The following FRYL variants were observed in gnomAD, a reference collection of about 807,000 sequenced individuals.
FRYL encodes the protein FRY like transcription coactivator, also known as protein furry homolog-like.
A neutral mutation model predicts 351.2 loss-of-function variants in FRYL; 150 were observed. That is an observed-to-expected ratio of 0.43 (90% confidence interval 0.37 to 0.49). FRYL has a LOEUF of 0.49. FRYL is among the 20% of genes least tolerant of loss of function. FRYL has a pLI of 0.00. For synonymous variants in FRYL, 1,153 were observed against 1,257.1 expected (o/e 0.92, Z 1.75); for missense variants, 3,036 against 3,619.3 (o/e 0.84, Z 4.13).
chr4:48,698,060 C>T (rs558578424), intron 2 of FRYL, among the ~76,000 whole-genome samples: 1 of 152,292 alleles, frequency 6.6e-6, no homozygotes, highest in South Asian at 2.1e-4. Context: ...CACACAGCTG[C>T]TACCATCAAG....
chr4:48,613,696 C>T (rs1168860934), intron 7 of FRYL, among the ~76,000 whole-genome samples: 2 of 152,168 alleles, frequency 1.3e-5, no homozygotes, highest in Admixed American at 1.3e-4. Flanking sequence ...TGGCTCACGC[C>T]TGTAATCCCA....
intron 10 of FRYL, 85 bp downstream of exon 10, chr4:48,606,353 C>T (rs1320340091): frequency 1.1e-5 from 8 of 742,024 alleles, no homozygotes; most frequent in Admixed American, 5.5e-5. Flanking sequence ...CATTAATTTA[C>T]GTGTATTTTG....
At chr4:48,525,644 T>C (rs1725971210) in intron 53 of FRYL, among the ~76,000 whole-genome samples, 1 of 151,920 alleles carries the variant, frequency 6.6e-6, no homozygotes, top group East Asian at 1.9e-4. Flanking sequence ...TACATGAGAG[T>C]TGATCAGTGT....
intron 3 of FRYL, among the ~76,000 whole-genome samples, chr4:48,643,490 G>A (rs1755727224): frequency 6.6e-6 from 1 of 152,106 alleles, no homozygotes; most frequent in Non-Finnish European, 1.5e-5. Context: ...AGCAGCCAGA[G>A]ACAAAGAAAA....
intron 44 of FRYL, 35 bp downstream of exon 44, chr4:48,543,772 T>C (rs1730739717): frequency 3.2e-6 from 5 of 1,577,894 alleles, no homozygotes; most frequent in Non-Finnish European, 4.3e-6. Flanking sequence ...AACTAGTAGC[T>C]GCTCAATAAC....
chr4:48,641,861 A>C (rs980745074), intron 3 of FRYL, among the ~76,000 whole-genome samples: 1 of 152,202 alleles, frequency 6.6e-6, no homozygotes, highest in Non-Finnish European at 1.5e-5. Context: ...GCATAAAAAG[A>C]GCAAAAAAGT....
intron 61 of FRYL, 78 bp downstream of exon 61, chr4:48,502,750 A>G: frequency 1.7e-6 from 2 of 1,147,164 alleles, no homozygotes; most frequent in South Asian, 2.6e-5. Context: ...TTGCTGGGTC[A>G]CAAATGGACA....
At chr4:48,625,942 G>A (rs1026835215) in intron 4 of FRYL, among the ~76,000 whole-genome samples, 3 of 151,968 alleles carry the variant, frequency 2.0e-5, no homozygotes, top group African/African-American at 4.8e-5. Context: ...ACAATTATAA[G>A]TCATTTTTTC....
chr4:48,669,892 C>T (rs1386534470), intron 3 of FRYL, among the ~76,000 whole-genome samples: 4 of 151,804 alleles, frequency 2.6e-5, no homozygotes, highest in Non-Finnish European at 5.9e-5. Flanking sequence ...TCTAAAAAGA[C>T]AGCTTTTAAA....
intron 49 of FRYL, among the ~76,000 whole-genome samples, chr4:48,533,777 A>C (rs1728239861): frequency 6.6e-6 from 1 of 152,194 alleles, no homozygotes; most frequent in South Asian, 2.1e-4. Flanking sequence ...ATTTAAATCA[A>C]GTTTAATTTT....
intron 3 of FRYL, among the ~76,000 whole-genome samples, chr4:48,666,324 G>A (rs1362975290): frequency 7.9e-5 from 12 of 151,966 alleles, no homozygotes; most frequent in Non-Finnish European, 1.3e-4. Flanking sequence ...CCGAGACCAC[G>A]CCACTGCACT....
At chr4:48,631,732 A>G (rs1753001667) in intron 4 of FRYL, among the ~76,000 whole-genome samples, 1 of 151,690 alleles carries the variant, frequency 6.6e-6, no homozygotes, top group Non-Finnish European at 1.5e-5. Context: ...TTAGGGGGGG[A>G]TGACTAAGTT....
chr4:48,624,143 C>A (rs1305482418), intron 4 of FRYL, among the ~76,000 whole-genome samples: 2 of 152,232 alleles, frequency 1.3e-5, no homozygotes, highest in East Asian at 3.9e-4. Context: ...AGTATGACTG[C>A]TTCTTATTAA....
intron 2 of FRYL, among the ~76,000 whole-genome samples, chr4:48,692,228 T>C (rs1765739012): frequency 6.6e-6 from 1 of 152,180 alleles, no homozygotes; most frequent in Admixed American, 6.5e-5. Flanking sequence ...CTTCTTCACA[T>C]TTCTTACTAT....
At chr4:48,600,781 C>CA (rs1435230922) in intron 13 of FRYL, among the ~76,000 whole-genome samples, 1 of 151,616 alleles carries the variant, frequency 6.6e-6, no homozygotes, top group Non-Finnish European at 1.5e-5. Flanking sequence ...TACAAATTAC[C>CA]AAAAATAAGA....
chr4:48,703,761 G>T (rs545683734), intron 2 of FRYL, among the ~76,000 whole-genome samples: 2 of 152,212 alleles, frequency 1.3e-5, no homozygotes, highest in Middle Eastern at 3.4e-3. Context: ...TGTATTTGTG[G>T]AACACCTACT....
At position 48,551,524 on chromosome 4, in the gene FRYL, T is replaced by A. The variant is rs190941081; in HGVS notation, c.4490A>T (p.Asn1497Ile). 2.8e-3 allele frequency: 4,552 copies of A among 1,611,216 alleles called. 11 individuals carry two copies. The highest frequency in any genetic ancestry group is 3.5e-3 in the Non-Finnish European group (4,178 of 1,177,650). ...TTCAATATTCTCTTTAATGGGCTTA[T>A]TATCAGGATTGCCATCTGTGGGAGC... ...MVAPTDGNPDNKPIKENIEES... is the reference protein window; with the variant it reads ...MVAPTDGNPDIKPIKENIEES... The change falls in exon 37 of 64, where the codon AAT (asparagine) becomes ATT (isoleucine). Residue 1497 changes from asparagine to isoleucine, a missense_variant. Asn to Ile is a moderately radical substitution (Grantham distance 149). Coordinates refer to ENST00000358350, the MANE Select transcript of FRYL (RefSeq NM_015030.2).
Position 48,606,564 on chromosome 4 carries a change from TTC to T in FRYL, c.613_614del (p.Glu205ThrfsTer35). On this transcript the variant is annotated frameshift_variant, in exon 10 of 64. Coordinates refer to ENST00000358350, the MANE Select transcript of FRYL (RefSeq NM_015030.2). LOFTEE classifies it high-confidence loss of function. ...VRKKFVTELK[E>X]LRQKEQSPHV... The stretch of plus-strand genomic sequence containing the variant: ...GTGGGCTTTGTTCCTTTTGTCGCAG[TTC>T]TTTTAATTCTGTCACAAACTTCTTC... 1 of 1,612,772 alleles carries T rather than the reference TTC, an allele frequency of 6.2e-7. No homozygotes were observed. The highest frequency in any genetic ancestry group is 8.5e-7 in the Non-Finnish European group (1 of 1,179,052).
rs71191256 is a variant in FRYL, at chr4:48,742,973, ATTTTTT to A, written c.-383-32281_-383-32276del. ...AGGTGTGCGCCACCACGCCTGGATAATTTTTTTTTTTTTTTTTTTTTTTTTACTAGA... is the reference window on the plus strand; with the variant it reads ...AGGTGTGCGCCACCACGCCTGGATAATTTTTTTTTTTTTTTTTTTACTAGA... On this transcript the variant is annotated intron_variant, in intron 1 of 63. Transcript: ENST00000358350. Among the ~76,000 whole-genome samples the A allele has an allele frequency of 3.5e-3, 286 of 81,758 alleles. 3 individuals carry two copies. Among genetic ancestry groups the A allele is most frequent in the African/African-American group, 0.012 (263 of 22,400 alleles). The allele number at this position is 81,758 out of a possible 152,430, so 53.6% of individuals were successfully genotyped here.
Sources: allele counts gnomAD v4.1 joint callset (sites outside exome capture counted in the v4.1 genomes callset), GRCh38; gene constraint gnomAD v4.1.1; transcripts MANE v1.5; gene names NCBI Gene and HGNC (gene_info 2026-07-23, HGNC 2026-07-21).